Variants in ZNF518A observed in about 807,000 individuals in gnomAD.
ZNF518A encodes zinc finger protein 518.
ZNF518A carries 47 observed loss-of-function variants against 102.7 expected under a neutral mutation model. The observed-to-expected ratio is 0.46, with a 90% confidence interval of 0.36 to 0.58. ZNF518A has a LOEUF of 0.58. Ranked by LOEUF, ZNF518A falls within the 20% of genes least tolerant of loss-of-function variation. ZNF518A has a pLI of 0.00. For missense variants in ZNF518A, 1,793 were observed against 1,699.8 expected, an observed-to-expected ratio of 1.05 and a Z score of -0.96; for synonymous variants, 652 against 594.6, an observed-to-expected ratio of 1.10 and a Z score of -1.40.
chr10:96,183,064 C>G (rs2083249465), intron 1 of ZNF518A, among the ~76,000 whole-genome samples: 1 of 152,122 alleles, frequency 6.6e-6, no homozygotes, highest in African/African-American at 2.4e-5. Flanking sequence ...GTATATGTGT[C>G]CAGGAATTTA....
Position 96,158,525 on chromosome 10 carries a change from A to G in ZNF518A, c.2203A>G (p.Ser735Gly), listed in dbSNP as rs2133804896. 5.0e-6 allele frequency: 8 copies of G among 1,612,904 alleles called. No individual in the cohort carries two copies. Among genetic ancestry groups the G allele is most frequent in the East Asian group, 4.5e-5 (2 of 44,866 alleles). The change falls in exon 6 of 6, where the codon AGT (serine) becomes GGT (glycine). Residue 735 changes from serine to glycine, a missense_variant. Physicochemically the swap from Ser to Gly is moderately conservative, Grantham distance 56. Around this residue, in one of 3 missense-constraint regions of ZNF518A, gnomAD observed 1,741 missense variants for 1,622.6 expected, o/e 1.07. Coordinates refer to ENST00000316045, the MANE Select transcript of ZNF518A (RefSeq NM_001330736.2). Reference protein sequence around the residue: ...GQNIDGQNLYSNENQNLECAT... With the variant: ...GQNIDGQNLYGNENQNLECAT... ...AAACATTGATGGACAAAACCTGTAC[A>G]GTAATGAAAATCAAAATTTAGAGTG... is the stretch of plus-strand genomic sequence containing the variant.
At chr10:96,177,350 T>C (rs1168255097) in intron 1 of ZNF518A, among the ~76,000 whole-genome samples, 2 of 152,188 alleles carry the variant, frequency 1.3e-5, no homozygotes, top group African/African-American at 4.8e-5. Context: ...AAATCCAAGA[T>C]AATTCAGCAC....
At position 96,199,882 on chromosome 10, in the gene ZNF518A, G is replaced by C. The variant is rs188559264; in HGVS notation, n.36-3692G>C. The C allele has an allele frequency of 5.5e-3, 1,691 of 308,832 alleles. 7 individuals carry two copies. Among genetic ancestry groups the C allele is most frequent in the Non-Finnish European group, 7.0e-3 (1,194 of 170,834 alleles). The allele number at this position is 308,832 out of a possible 1,614,324, so 19.1% of individuals were successfully genotyped here. A position where few individuals can be genotyped will look rare whatever the true frequency, so the allele number is the denominator to read the frequency against. ...CTACTAAAAATACAAAAATTAGCCG[G>C]GCTTGGGGGCACACACATGTAATCC... On this transcript the variant is annotated intron_variant and non_coding_transcript_variant, in intron 1 of 2. Coordinates refer to the ZNF518A transcript ENST00000442635.
intron 1 of ZNF518A, among the ~76,000 whole-genome samples, chr10:96,180,793 C>G (rs188211190): frequency 2.0e-5 from 3 of 152,066 alleles, no homozygotes; most frequent in African/African-American, 7.2e-5. Context: ...TGAATAGTGC[C>G]GCAATAAACG....
chr10:96,198,623 C>T (rs1554895258), intron 1 of ZNF518A, among the ~76,000 whole-genome samples: 3 of 152,182 alleles, frequency 2.0e-5, no homozygotes, highest in African/African-American at 4.8e-5. Context: ...ACTTTTCAAA[C>T]TCAAATTAAG....
intron 3 of ZNF518A, among the ~76,000 whole-genome samples, chr10:96,148,451 A>AG (rs1396775916): frequency 6.6e-6 from 1 of 152,192 alleles, no homozygotes; most frequent in Admixed American, 6.5e-5. Context: ...AAAAAAAAAA[A>AG]TGTTTTGTCT....
chr10:96,189,334 T>C, intron 1 of ZNF518A: 2 of 538,066 alleles, frequency 3.7e-6, no homozygotes, highest in South Asian at 3.0e-5. Context: ...GATGGAAAAA[T>C]GTTAACAAAT....
chr10:96,204,412 A>G, downstream of ZNF518A: 3 of 1,177,356 alleles, frequency 2.5e-6, no homozygotes, highest in Non-Finnish European at 3.8e-6. Context: ...ACTGCAAAAC[A>G]ATGAAATGTT....
chr10:96,140,804 G>A (rs1162506471), intron 3 of ZNF518A, among the ~76,000 whole-genome samples: 2 of 152,002 alleles, frequency 1.3e-5, no homozygotes, highest in African/African-American at 4.8e-5. Flanking sequence ...AGCTGGGCAT[G>A]GTGGTGCATA....
intron 1 of ZNF518A, among the ~76,000 whole-genome samples, chr10:96,197,537 C>T (rs1338318329): frequency 1.3e-5 from 2 of 152,028 alleles, no homozygotes; most frequent in African/African-American, 4.8e-5. Flanking sequence ...TGTGAAGGGA[C>T]ACATTAAGAT....
intron 1 of ZNF518A, chr10:96,192,180 TAGTAAA>T: frequency 6.4e-7 from 1 of 1,552,980 alleles, no homozygotes; most frequent in Non-Finnish European, 8.8e-7. Flanking sequence ...ATTCTCAAGT[TAGTAAA>T]AGTTATTACA....
intron 1 of ZNF518A, among the ~76,000 whole-genome samples, chr10:96,193,930 T>C (rs2083393394): frequency 6.6e-6 from 1 of 152,226 alleles, no homozygotes; most frequent in Admixed American, 6.5e-5. Flanking sequence ...CATAATCTTT[T>C]TATTATAGAT....
intron 3 of ZNF518A, among the ~76,000 whole-genome samples, chr10:96,146,017 T>G (rs2133443499): frequency 6.6e-6 from 1 of 152,328 alleles, no homozygotes; most frequent in East Asian, 1.9e-4. Context: ...TCTTCTTGAC[T>G]TTTAACTTTT....
At chr10:96,146,242 A>G (rs117907923) in intron 3 of ZNF518A, among the ~76,000 whole-genome samples, 7,755 of 152,132 alleles carry the variant, frequency 0.051, 277 homozygotes, top group Middle Eastern at 0.085. Context: ...CTTATTTTTA[A>G]TTTTGTGATT....
chr10:96,158,573 G>A lies in ZNF518A; in HGVS notation c.2251G>A (p.Glu751Lys), dbSNP rs782626568. 8 of 1,612,990 alleles carry A rather than the reference G, an allele frequency of 5.0e-6. No homozygotes were observed. Among genetic ancestry groups the A allele is most frequent in the African/African-American group, 2.7e-5 (2 of 74,888 alleles). Residue 751 changes from glutamate (E) to lysine (K), a missense_variant, in exon 6 of 6, where the codon GAA (glutamate) becomes AAA (lysine). Around this residue, in one of 3 missense-constraint regions of ZNF518A, gnomAD observed 1,741 missense variants for 1,622.6 expected, o/e 1.07. Coordinates refer to ENST00000316045, the MANE Select transcript of ZNF518A (RefSeq NM_001330736.2). ...GTGTGCGACTGAAAAATCTAAATGG[G>A]AAGACTTTTCTAATGTCGATTCACC... The part of the protein sequence containing the change: ...LECATEKSKW[E>K]DFSNVDSPMM...
chr10:96,165,721 A>AG (rs1402058111), downstream of ZNF518A, among the ~76,000 whole-genome samples: 2 of 152,184 alleles, frequency 1.3e-5, no homozygotes, highest in Non-Finnish European at 2.9e-5. Context: ...CATAGCATAA[A>AG]GGTACAGAGG....
At position 96,157,968 on chromosome 10, in the gene ZNF518A, G is replaced by A. The variant is rs61729858; in HGVS notation, c.1646G>A (p.Ser549Asn). 5.5e-5 allele frequency: 88 copies of A among 1,613,802 alleles called. No homozygotes were observed. The African/African-American group carries it at 8.4e-4, about 15-fold the overall frequency. The change falls in exon 6 of 6, where the codon AGT becomes AAT. Residue 549 changes from serine to asparagine, a missense_variant. Transcript: ENST00000316045. ...NMLQTMDYEK[S>N]VSSLSATSEL... ...CTTCAAACAATGGATTATGAGAAAA[G>A]TGTATCTTCTTTGTCAGCAACATCA...
In ZNF518A at chr10:96,157,675, T is replaced by A; in HGVS notation, c.1353T>A (p.Asp451Glu). ...NATFMGFKMM[D>E]GKQHIVLKLV... ...CGTTTATGGGCTTCAAGATGATGGA[T>A]GGAAAACAGCATATTGTATTAAAAT... Residue 451 changes from aspartate to glutamate, a missense_variant, in exon 6 of 6, where the codon GAT (aspartate) becomes GAA (glutamate). Coordinates refer to ENST00000316045, the MANE Select transcript of ZNF518A (RefSeq NM_001330736.2). 6.2e-7 allele frequency: 1 copy of A among 1,613,906 alleles called. No homozygotes were observed.
rs1052112802 is a variant in ZNF518A at position 96,130,346 on chromosome 10, C to T, written c.-859C>T. Among the ~76,000 whole-genome samples the T allele has an allele frequency of 1.3e-5, 2 of 152,230 alleles. No individual in the cohort carries two copies. Among genetic ancestry groups the T allele is most frequent in the Non-Finnish European group, 2.9e-5 (2 of 68,040 alleles). On this transcript the variant is annotated 5_prime_UTR_variant, in exon 1 of 6. Coordinates refer to ENST00000316045, the MANE Select transcript of ZNF518A (RefSeq NM_001330736.2). ...GAAGTCGGGGTTTTTTTGCCGAGCGCTTTTGCCGACTGCTAGAGCTTACCC... is the reference window on the plus strand; with the variant it reads ...GAAGTCGGGGTTTTTTTGCCGAGCGTTTTTGCCGACTGCTAGAGCTTACCC...
Sources: gnomAD v4.1 joint callset for allele counts (sites outside exome capture counted in the v4.1 genomes callset) on GRCh38, gnomAD v4.1.1 for gene constraint, gnomAD v4.1.1 regional missense constraint, MANE v1.5 for transcripts, NCBI Gene and HGNC (gene_info 2026-07-23, HGNC 2026-07-21) for gene names.